TLL2: variants seen among roughly 807,000 people sequenced by gnomAD.
TLL2 encodes the protein tolloid-like protein 2.
Under a neutral mutation model 123.0 loss-of-function variants are expected in TLL2, and 106 were observed. The ratio of observed to expected loss-of-function variants is 0.86; its 90% CI spans 0.74 to 1.01. The LOEUF (loss-of-function observed/expected upper bound fraction) is 1.01, where lower values mean the gene tolerates loss of function less well. TLL2 is among the 50% of genes least tolerant of loss of function. TLL2 has a pLI of 0.00. For synonymous variants in TLL2, 494 were observed against 516.8 expected (o/e 0.96, Z 0.60); for missense variants, 1,332 against 1,336.7 (o/e 1.00, Z 0.06).
chr10:96,371,530 C>T (rs1846085021), intron 19 of TLL2, among the ~76,000 whole-genome samples: 1 of 152,234 alleles, frequency 6.6e-6, no homozygotes, highest in Admixed American at 6.5e-5. Context: ...CACGCCCTGC[C>T]TGGCCCCGGT....
At chr10:96,378,923 C>T (rs1034010369) in intron 17 of TLL2, 44 bp downstream of exon 17, 14 of 1,609,304 alleles carry the variant, frequency 8.7e-6, no homozygotes, top group African/African-American at 5.3e-5. Flanking sequence ...TGGGGTGCGG[C>T]GAAGGGCAGC....
intron 1 of TLL2, among the ~76,000 whole-genome samples, chr10:96,505,338 G>A (rs1847569218): frequency 6.6e-6 from 1 of 152,182 alleles, no homozygotes; most frequent in African/African-American, 2.4e-5. Context: ...TGACACGTGG[G>A]GATTACAATT....
intron 3 of TLL2, 62 bp downstream of exon 3, chr10:96,446,029 T>C: frequency 6.6e-7 from 1 of 1,513,952 alleles, no homozygotes; most frequent in Non-Finnish European, 9.2e-7. Context: ...TTATGTCACG[T>C]GTATTTTTCC....
intron 1 of TLL2, among the ~76,000 whole-genome samples, chr10:96,499,289 G>A (rs1042856939): frequency 6.6e-6 from 1 of 152,184 alleles, no homozygotes; most frequent in African/African-American, 2.4e-5. Flanking sequence ...CAGTTCCAGT[G>A]GGCCATAGCC....
intron 2 of TLL2, among the ~76,000 whole-genome samples, chr10:96,465,848 T>C (rs899831027): frequency 6.6e-6 from 1 of 152,226 alleles, no homozygotes; most frequent in Admixed American, 6.5e-5. Context: ...CTGTTGATCG[T>C]TGCCATGTGG....
intron 2 of TLL2, among the ~76,000 whole-genome samples, chr10:96,452,807 A>G (rs1283277241): frequency 6.6e-6 from 1 of 152,238 alleles, no homozygotes. Context: ...TACCTGCAAG[A>G]CACATCAATC....
intron 7 of TLL2, among the ~76,000 whole-genome samples, chr10:96,415,297 C>A (rs372688950): frequency 6.6e-6 from 1 of 152,168 alleles, no homozygotes; most frequent in Non-Finnish European, 1.5e-5. Flanking sequence ...CCTAGGCTGC[C>A]CATGCCCTCT....
chr10:96,430,604 G>A (rs1846728247), intron 4 of TLL2, among the ~76,000 whole-genome samples: 1 of 152,238 alleles, frequency 6.6e-6, no homozygotes, highest in Non-Finnish European at 1.5e-5. Flanking sequence ...AGCTGGGCAT[G>A]GTGATTCATG....
intron 2 of TLL2, among the ~76,000 whole-genome samples, chr10:96,479,206 T>C (rs1275733783): frequency 6.6e-6 from 1 of 152,194 alleles, no homozygotes; most frequent in Non-Finnish European, 1.5e-5. Context: ...ATGACACTCA[T>C]GAAACAAGAC....
chr10:96,370,458 A>G, intron 19 of TLL2, 143 bp from the exon 20 acceptor site: 1 of 1,198,252 alleles, frequency 8.3e-7, no homozygotes. Flanking sequence ...TTGATGGAGG[A>G]GTACACAGAG....
At chr10:96,423,851 C>T (rs573062640) in intron 5 of TLL2, among the ~76,000 whole-genome samples, 1 of 152,270 alleles carries the variant, frequency 6.6e-6, no homozygotes, top group East Asian at 1.9e-4. Context: ...ATGTTTGTTG[C>T]AGCACTGTTC....
intron 2 of TLL2, among the ~76,000 whole-genome samples, chr10:96,467,424 A>C (rs1204620985): frequency 6.6e-6 from 1 of 152,116 alleles, no homozygotes; most frequent in Non-Finnish European, 1.5e-5. Flanking sequence ...GTCAAGACAG[A>C]GTCTTGCTAT....
chr10:96,470,315 G>A (rs1847166765), intron 2 of TLL2, among the ~76,000 whole-genome samples: 1 of 152,194 alleles, frequency 6.6e-6, no homozygotes, highest in Admixed American at 6.5e-5. Flanking sequence ...GCCTCATGGG[G>A]GAGCAGGAGA....
chr10:96,397,198 C>A lies in TLL2; in HGVS notation c.1372G>T (p.Ala458Ser). 1 of 1,613,692 alleles carries A rather than the reference C, an allele frequency of 6.2e-7. No individual in the cohort carries two copies. The highest frequency in any genetic ancestry group is 1.1e-5 in the South Asian group (1 of 91,044). The change falls in exon 11 of 21, where the codon GCA (alanine) becomes TCA (serine). Residue 458 changes from alanine to serine, a missense_variant. Coordinates refer to ENST00000357947, the MANE Select transcript of TLL2 (RefSeq NM_012465.4). ...ACCTCGCACAAACCTTCGTACGCTG[C>A]AAAGAAGCCCTTGCCCAAGATGTTG... ...SSNILGKGFF[A>S]AYEATCGGDM... is the part of the protein sequence containing the mutation.
intron 1 of TLL2, among the ~76,000 whole-genome samples, chr10:96,512,404 A>G (rs1847640141): frequency 6.6e-6 from 1 of 152,226 alleles, no homozygotes; most frequent in Non-Finnish European, 1.5e-5. Flanking sequence ...CCTGGAACTG[A>G]TAGAGGTTTC....
At chr10:96,456,941 G>A (rs942017429) in intron 2 of TLL2, among the ~76,000 whole-genome samples, 3 of 152,174 alleles carry the variant, frequency 2.0e-5, no homozygotes, top group South Asian at 4.1e-4. Flanking sequence ...GGGATGGGAG[G>A]GAGTCAGTTA....
At chr10:96,509,908 C>T (rs1302169344) in intron 1 of TLL2, among the ~76,000 whole-genome samples, 1 of 152,256 alleles carries the variant, frequency 6.6e-6, no homozygotes, top group Non-Finnish European at 1.5e-5. Flanking sequence ...GATCAGGCCA[C>T]TGCACTCCAG....
Position 96,370,055 on chromosome 10 carries a change from C to A in TLL2, c.2913+10G>T. 2 of 1,570,358 alleles carry A rather than the reference C, an allele frequency of 1.3e-6. No homozygotes were observed. Among genetic ancestry groups the A allele is most frequent in the Non-Finnish European group, 1.7e-6 (2 of 1,158,880 alleles). ...CACTCTGCCCCGGCCCCAGCGTCTCCGGGACTTACCCCAGAGCCACAGAAG... is the reference window on the plus strand; with the variant it reads ...CACTCTGCCCCGGCCCCAGCGTCTCAGGGACTTACCCCAGAGCCACAGAAG... On this transcript the variant is annotated intron_variant, in intron 20 of 20. Transcript: ENST00000357947.
chr10:96,508,459 C>T (rs1300264906), intron 1 of TLL2, among the ~76,000 whole-genome samples: 2 of 152,140 alleles, frequency 1.3e-5, no homozygotes, highest in Non-Finnish European at 2.9e-5. Flanking sequence ...ACTACTGGTT[C>T]CTGAGCCATA....
Sources: gnomAD v4.1 joint callset for allele counts (sites outside exome capture counted in the v4.1 genomes callset) on GRCh38, gnomAD v4.1.1 for gene constraint, MANE v1.5 for transcripts, NCBI Gene and HGNC (gene_info 2026-07-23, HGNC 2026-07-21) for gene names.